RELCH: variants seen among roughly 807,000 people sequenced by gnomAD.
RELCH encodes the protein RAB11 binding and LisH domain, coiled-coil and HEAT repeat containing, also known as RAB11-binding protein RELCH.
A neutral mutation model predicts 150.3 loss-of-function variants in RELCH; 41 were observed. That is an observed-to-expected ratio of 0.27 (90% confidence interval 0.21 to 0.35). The LOEUF is 0.35. Among genes scored for constraint, RELCH ranks in the 10% least tolerant of loss-of-function variants. The pLI is 1.00. For synonymous variants in RELCH, 478 were observed against 531.8 expected (o/e 0.90, Z 1.39); for missense variants, 1,092 against 1,467.8 (o/e 0.74, Z 4.18).
chr18:62,249,945 G>A (rs79932898), intron 11 of RELCH, among the ~76,000 whole-genome samples: 1,584 of 151,980 alleles, frequency 0.01, 7 homozygotes, highest in Non-Finnish European at 0.014. Context: ...TGCTTTGATC[G>A]TATCCCGAGA....
At chr18:62,259,133 C>T (rs920464075) in intron 15 of RELCH, among the ~76,000 whole-genome samples, 11 of 151,918 alleles carry the variant, frequency 7.2e-5, no homozygotes, top group Non-Finnish European at 1.5e-4. Context: ...TTCCCACATA[C>T]AAGAATTAAA....
At chr18:62,225,297 C>T (rs934768041) in intron 5 of RELCH, among the ~76,000 whole-genome samples, 3 of 151,496 alleles carry the variant, frequency 2.0e-5, no homozygotes, top group African/African-American at 7.3e-5. Flanking sequence ...ATAGGCAAAA[C>T]ATTTATTAGA....
intron 5 of RELCH, among the ~76,000 whole-genome samples, chr18:62,222,302 C>G (rs2040927527): frequency 6.6e-6 from 1 of 151,748 alleles, no homozygotes; most frequent in South Asian, 2.1e-4. Flanking sequence ...ATTTTTTATT[C>G]AATGGTAGTG....
intron 5 of RELCH, among the ~76,000 whole-genome samples, chr18:62,222,990 G>A (rs2148383984): frequency 6.6e-6 from 1 of 152,060 alleles, no homozygotes; most frequent in East Asian, 1.9e-4. Context: ...ATAGCACTTA[G>A]AGGGAAATTC....
At chr18:62,293,455 C>T (rs997922069) in intron 27 of RELCH, among the ~76,000 whole-genome samples, 3 of 152,000 alleles carry the variant, frequency 2.0e-5, no homozygotes, top group African/African-American at 7.3e-5. Flanking sequence ...ACTTTTTGCT[C>T]ATAAAGCCTT....
Position 62,227,456 on chromosome 18 carries a change from C to T in RELCH, c.1026C>T (p.Asn342=), listed in dbSNP as rs1260231847. 3 of 1,613,242 alleles carry T rather than the reference C, an allele frequency of 1.9e-6. No homozygotes were observed. Among genetic ancestry groups the T allele is most frequent in the East Asian group, 2.2e-5 (1 of 44,806 alleles). ...ELEALTPIIS[N]LPPTLETPQP... ...AGGCCCTTACACCAATTATAAGCAACCTTCCTCCAACTCTTGAAACTCCCC... is the reference window on the plus strand; with the variant it reads ...AGGCCCTTACACCAATTATAAGCAATCTTCCTCCAACTCTTGAAACTCCCC... Residue 342 remains asparagine (N), a synonymous_variant, in exon 6 of 29, where the codon AAC becomes AAT. Transcript: ENST00000644646.
intron 18 of RELCH, among the ~76,000 whole-genome samples, chr18:62,265,791 C>T (rs955692418): frequency 6.6e-6 from 1 of 151,866 alleles, no homozygotes; most frequent in Non-Finnish European, 1.5e-5. Flanking sequence ...TCTTTTAATT[C>T]TCTTAGCGCA....
rs1197187292 is a variant in RELCH, at chr18:62,287,418, G to A, written c.3321G>A (p.Leu1107=). 6.2e-7 allele frequency: 1 copy of A among 1,610,148 alleles called. No homozygotes were observed. Among genetic ancestry groups the A allele is most frequent in the African/African-American group, 1.3e-5 (1 of 74,866 alleles). The change falls in exon 26 of 29, where the codon CTG becomes CTA. Residue 1107 remains leucine, a synonymous_variant. Transcript: ENST00000644646. ...TACAGATTGTGGATTCTAAAAGACT[G>A]GACATTGCTACGCATCTTTTTGAAG... The part of the protein sequence containing the change: ...NNLQIVDSKR[L]DIATHLFEAY...
At chr18:62,211,690 G>A (rs139474958) in intron 2 of RELCH, among the ~76,000 whole-genome samples, 3 of 152,230 alleles carry the variant, frequency 2.0e-5, no homozygotes, top group African/African-American at 7.2e-5. Flanking sequence ...TTGGGAAGCT[G>A]AGGTGGGAGG....
At chr18:62,286,577 C>T (rs1439593457) in intron 25 of RELCH, among the ~76,000 whole-genome samples, 3 of 151,962 alleles carry the variant, frequency 2.0e-5, no homozygotes, top group East Asian at 1.9e-4. Context: ...TTGTGATCCT[C>T]AACCAAGCAG....
chr18:62,187,968 G>T lies in RELCH; in HGVS notation c.463G>T (p.Ala155Ser). Residue 155 changes from alanine to serine, a missense_variant, in exon 1 of 29, where the codon GCA becomes TCA. Transcript: ENST00000644646. Reference sequence around the variant, plus strand: ...GATGGGGGCGCCAGGGGTCCCTGGAGCAGCCGGCGTTGGGGGCGCTGGAGG... The same window carrying T: ...GATGGGGGCGCCAGGGGTCCCTGGATCAGCCGGCGTTGGGGGCGCTGGAGG... Reference protein sequence around the residue: ...PGMGAPGVPGAAGVGGAGGRE... With the variant: ...PGMGAPGVPGSAGVGGAGGRE... 6.2e-7 allele frequency: 1 copy of T among 1,600,114 alleles called. No individual in the cohort carries two copies. The highest frequency in any genetic ancestry group is 8.5e-7 in the Non-Finnish European group (1 of 1,174,282).
At chr18:62,193,088 C>T (rs1054649286) in intron 1 of RELCH, among the ~76,000 whole-genome samples, 2 of 152,090 alleles carry the variant, frequency 1.3e-5, no homozygotes, top group Admixed American at 1.3e-4. Context: ...GCTTCACTTC[C>T]TTTGTTAGCT....
intron 20 of RELCH, among the ~76,000 whole-genome samples, chr18:62,270,633 CTTCT>C (rs1384041427): frequency 1.1e-4 from 16 of 152,104 alleles, no homozygotes; most frequent in African/African-American, 3.6e-4. Context: ...TTATTGTACT[CTTCT>C]TTCTTTTTTT....
Position 62,305,570 on chromosome 18 carries a change from G to T in RELCH, c.*36G>T, listed in dbSNP as rs772919389. 1.5e-5 allele frequency: 23 copies of T among 1,573,028 alleles called. No homozygotes were observed. Among genetic ancestry groups the T allele is most frequent in the Non-Finnish European group, 1.9e-5 (22 of 1,162,752 alleles). Reference sequence around the variant, plus strand: ...GAAGCCCCCAGTAAACACTAAGATGGACCTCAAGCCGACTGGTTCCTTGTA... The same window carrying T: ...GAAGCCCCCAGTAAACACTAAGATGTACCTCAAGCCGACTGGTTCCTTGTA... On this transcript the variant is annotated 3_prime_UTR_variant, in exon 29 of 29. Coordinates refer to ENST00000644646, the MANE Select transcript of RELCH (RefSeq NM_001346231.2). This position sits in a 1 kb window ranked among gnomAD's most constrained non-coding sequence, Gnocchi z 4.0.
chr18:62,203,446 ACT>A (rs1187927982), intron 1 of RELCH, among the ~76,000 whole-genome samples: 1 of 152,092 alleles, frequency 6.6e-6, no homozygotes, highest in African/African-American at 2.4e-5. Context: ...ACAGAGTGAG[ACT>A]CTGTCTCAAA....
At chr18:62,265,310 G>A (rs1221211764) in intron 18 of RELCH, among the ~76,000 whole-genome samples, 1 of 151,962 alleles carries the variant, frequency 6.6e-6, no homozygotes, top group Admixed American at 6.6e-5. Flanking sequence ...AGAATAGCAT[G>A]GACACTGGAG....
chr18:62,287,421 C>G lies in RELCH; in HGVS notation c.3324C>G (p.Asp1108Glu). The G allele has an allele frequency of 6.2e-7, 1 of 1,609,018 alleles. No individual in the cohort carries two copies. Among genetic ancestry groups the G allele is most frequent in the Non-Finnish European group, 8.5e-7 (1 of 1,176,160 alleles). The change falls in exon 26 of 29, where the codon GAC becomes GAG. Residue 1108 changes from aspartate to glutamate, a missense_variant. Asp to Glu is a conservative substitution (Grantham distance 45). Around this residue, in one of 4 missense-constraint regions of RELCH, gnomAD observed 707 missense variants for 1,025.4 expected, o/e 0.69. Coordinates refer to ENST00000644646, the MANE Select transcript of RELCH (RefSeq NM_001346231.2). ...NLQIVDSKRL[D>E]IATHLFEAYS... ...AGATTGTGGATTCTAAAAGACTGGA[C>G]ATTGCTACGCATCTTTTTGAAGCCT...
At chr18:62,229,518 G>GTGTC (rs1555725660) in intron 8 of RELCH, among the ~76,000 whole-genome samples, 2,123 of 147,666 alleles carry the variant, frequency 0.014, 31 homozygotes, top group South Asian at 0.032. Context: ...GTGTGTGTGT[G>GTGTC]TGTCTGTCTG....
At chr18:62,260,859 T>G (rs1206641865) in intron 15 of RELCH, among the ~76,000 whole-genome samples, 1 of 151,882 alleles carries the variant, frequency 6.6e-6, no homozygotes, top group African/African-American at 2.4e-5. Flanking sequence ...ATGTGGGAGC[T>G]TAAACAGTTG....
Sources: gnomAD v4.1 joint callset for allele counts (sites outside exome capture counted in the v4.1 genomes callset) on GRCh38, gnomAD v4.1.1 for gene constraint, gnomAD v4.1.1 regional missense constraint, Gnocchi (gnomAD v3.1) non-coding constraint, MANE v1.5 for transcripts, NCBI Gene and HGNC (gene_info 2026-07-23, HGNC 2026-07-21) for gene names.